Variants in SND1 observed in about 807,000 individuals in gnomAD.
SND1 encodes the protein staphylococcal nuclease domain-containing protein 1.
A neutral mutation model predicts 121.7 loss-of-function variants in SND1; 38 were observed. The observed-to-expected ratio is 0.31, with a 90% CI of 0.24 to 0.41. The LOEUF (loss-of-function observed/expected upper bound fraction) is 0.41, where lower values mean the gene tolerates loss of function less well. Among genes scored for constraint, SND1 ranks in the 10% least tolerant of loss-of-function variants. SND1 has a pLI of 1.00. For synonymous variants in SND1, 401 were observed against 447.4 expected (o/e 0.90, Z 1.31); for missense variants, 868 against 1,184.6 (o/e 0.73, Z 3.92).
At chr7:127,921,785 G>A (rs1469199655) in intron 14 of SND1, among the ~76,000 whole-genome samples, 1 of 152,082 alleles carries the variant, frequency 6.6e-6, no homozygotes, top group African/African-American at 2.4e-5. Context: ...TTTAACTATA[G>A]TTTAACCTTT....
intron 10 of SND1, among the ~76,000 whole-genome samples, chr7:127,806,476 C>A (rs1798241364): frequency 6.6e-6 from 1 of 152,116 alleles, no homozygotes; most frequent in Admixed American, 6.5e-5. Flanking sequence ...TTTCTTCCTG[C>A]CTCTCTTCTT....
At chr7:127,737,973 A>C (rs543103609) in intron 10 of SND1, among the ~76,000 whole-genome samples, 95 of 152,264 alleles carry the variant, frequency 6.2e-4, no homozygotes, top group Non-Finnish European at 1.1e-3. Context: ...CTCATTTTTT[A>C]CTGGCTTAAT....
At chr7:127,893,118 A>G (rs1207431672) in intron 13 of SND1, among the ~76,000 whole-genome samples, 1 of 152,086 alleles carries the variant, frequency 6.6e-6, no homozygotes, top group African/African-American at 2.4e-5. Flanking sequence ...GTGAGTCATT[A>G]CCGGGACCCT....
At chr7:127,692,953 T>G (rs79921938) in intron 2 of SND1, among the ~76,000 whole-genome samples, 1,551 of 152,332 alleles carry the variant, frequency 0.01, 15 homozygotes, top group Non-Finnish European at 0.017. Context: ...GCTAGTTATT[T>G]TCCTGTGAAC....
intron 16 of SND1, among the ~76,000 whole-genome samples, chr7:128,057,163 T>A (rs538564151): frequency 1.3e-5 from 2 of 152,168 alleles, no homozygotes; most frequent in Non-Finnish European, 2.9e-5. Context: ...CACGGGTAAA[T>A]GAGACTGTGG....
At chr7:127,807,434 G>T (rs1157185117) in intron 10 of SND1, 50 bp from the exon 11 acceptor site, 1 of 1,421,998 alleles carries the variant, frequency 7.0e-7, no homozygotes. Context: ...TGTTGTACAT[G>T]TTCATTTGAT....
intron 17 of SND1, among the ~76,000 whole-genome samples, chr7:128,078,821 C>A (rs1009987526): frequency 1.3e-5 from 2 of 152,244 alleles, no homozygotes. Context: ...AGCTTGCAGG[C>A]TCAGGGGCCA....
chr7:127,797,967 G>A (rs1007480123), intron 10 of SND1, among the ~76,000 whole-genome samples: 18 of 152,040 alleles, frequency 1.2e-4, no homozygotes, highest in Non-Finnish European at 1.9e-4. Flanking sequence ...TCCTTACTGC[G>A]TCTGAGCAAT....
intron 10 of SND1, among the ~76,000 whole-genome samples, chr7:127,790,492 A>C (rs942258135): frequency 6.6e-6 from 1 of 152,200 alleles, no homozygotes; most frequent in Admixed American, 6.5e-5. Context: ...GTTAAATTAG[A>C]GTTCACCTTT....
intron 13 of SND1, among the ~76,000 whole-genome samples, chr7:127,888,831 C>T (rs1799957628): frequency 6.6e-6 from 1 of 152,036 alleles, no homozygotes; most frequent in Non-Finnish European, 1.5e-5. Flanking sequence ...CCTCTAGGAC[C>T]CATTTAGTTC....
chr7:127,856,353 G>A (rs908184174), intron 12 of SND1, among the ~76,000 whole-genome samples: 2 of 152,152 alleles, frequency 1.3e-5, no homozygotes, highest in African/African-American at 2.4e-5. Context: ...TAGTGTTTTT[G>A]GAAATGTTTT....
chr7:128,067,402 C>T (rs1793334309), intron 16 of SND1, among the ~76,000 whole-genome samples: 1 of 152,230 alleles, frequency 6.6e-6, no homozygotes, highest in Non-Finnish European at 1.5e-5. Flanking sequence ...AGAATTCTGC[C>T]TCTAAAGCCT....
At chr7:128,026,938 AATTTAAC>A (rs1803492547) in intron 16 of SND1, 1 of 98,606 alleles carries the variant, frequency 1.0e-5, no homozygotes, top group South Asian at 3.1e-4. Flanking sequence ...ACTTGAAAAT[AATTTAAC>A]ATTTGTCTTT....
intron 16 of SND1, chr7:128,030,482 ACTG>A: frequency 6.2e-7 from 1 of 1,613,570 alleles, no homozygotes; most frequent in Non-Finnish European, 8.5e-7. Context: ...TGAACTGGTT[ACTG>A]CACGAGCAGA....
chr7:127,896,841 C>G (rs1040258838), intron 13 of SND1, among the ~76,000 whole-genome samples: 2 of 152,066 alleles, frequency 1.3e-5, no homozygotes, highest in Non-Finnish European at 2.9e-5. Flanking sequence ...GAAATCATCT[C>G]GAGTGTTACA....
Position 128,052,539 on chromosome 7 carries a change from C to T in SND1, c.1780-21963C>T, listed in dbSNP as rs752974566. 1.3e-5 allele frequency among the ~76,000 whole-genome samples: 2 copies of T among 152,222 alleles called. No individual in the cohort carries two copies. Among genetic ancestry groups the T allele is most frequent in the Non-Finnish European group, 2.9e-5 (2 of 68,032 alleles). ...GTAGTCATCCTGGCCCCAGACAGAG[C>T]TGTCTTCCAAGTCACGGATGTTGAC... is the stretch of plus-strand genomic sequence containing the variant. On this transcript the variant is annotated intron_variant, in intron 16 of 23. Transcript: ENST00000354725. This position sits in a 1 kb window ranked among gnomAD's most constrained non-coding sequence, Gnocchi z 4.6.
At position 127,844,312 on chromosome 7, in the gene SND1, CTT is replaced by C. The variant is rs1366050408; in HGVS notation, c.1243-10_1243-9del. The C allele has an allele frequency of 1.2e-6, 2 of 1,610,544 alleles. No homozygotes were observed. Among genetic ancestry groups the C allele is most frequent in the Non-Finnish European group, 1.7e-6 (2 of 1,177,774 alleles). On this transcript the variant is annotated splice_polypyrimidine_tract_variant and intron_variant, in intron 11 of 23. Transcript: ENST00000354725. Reference sequence around the variant, plus strand: ...ACTCTCAACCCTAATTCCCTTGATTCTTTGTTTCCAGGTCAATGTGACGGTGG... The same window carrying C: ...ACTCTCAACCCTAATTCCCTTGATTCTGTTTCCAGGTCAATGTGACGGTGG...
At chr7:128,064,415 A>G (rs1260159334) in intron 16 of SND1, among the ~76,000 whole-genome samples, 3 of 152,162 alleles carry the variant, frequency 2.0e-5, no homozygotes, top group African/African-American at 7.2e-5. Context: ...GGGCATGGCA[A>G]TAAGGATAAA....
intron 10 of SND1, among the ~76,000 whole-genome samples, chr7:127,787,831 G>A (rs1442121145): frequency 6.6e-6 from 1 of 152,194 alleles, no homozygotes; most frequent in Non-Finnish European, 1.5e-5. Context: ...TTCAAGTCAT[G>A]CCAGTGTCTG....
Sources: allele counts gnomAD v4.1 joint callset (sites outside exome capture counted in the v4.1 genomes callset), GRCh38; gene constraint gnomAD v4.1.1; non-coding constraint Gnocchi (gnomAD v3.1); transcripts MANE v1.5; gene names NCBI Gene and HGNC (gene_info 2026-07-23, HGNC 2026-07-21).